Variants in IQCH observed in about 807,000 individuals in gnomAD.
The protein encoded by IQCH is IQ motif containing H, also known as IQ domain-containing protein H.
In IQCH, 98 loss-of-function variants were observed where a neutral mutation model predicts 117.0. The ratio of observed to expected loss-of-function variants is 0.84; its 90% CI spans 0.71 to 0.99. The LOEUF (loss-of-function observed/expected upper bound fraction) is 0.99. Ranked by LOEUF, IQCH falls within the 50% of genes least tolerant of loss-of-function variation. The pLI is 0.00. For missense variants in IQCH, 1,102 were observed against 1,243.8 expected (o/e 0.89, Z 1.72); for synonymous variants, 412 against 448.2 (o/e 0.92, Z 1.02).
intron 20 of IQCH, among the ~76,000 whole-genome samples, chr15:67,497,175 T>TA (rs955175785): frequency 2.6e-5 from 4 of 151,134 alleles, no homozygotes; most frequent in African/African-American, 9.7e-5. Context: ...ATCTAAAAAT[T>TA]AAAAAATTAG....
intron 3 of IQCH, among the ~76,000 whole-genome samples, chr15:67,267,740 G>T (rs933627582): frequency 2.0e-5 from 3 of 152,170 alleles, no homozygotes; most frequent in African/African-American, 7.2e-5. Context: ...CAGTTCCTAT[G>T]AGTAACTGAG....
intron 10 of IQCH, among the ~76,000 whole-genome samples, chr15:67,383,796 G>A (rs1464151122): frequency 1.3e-5 from 2 of 152,128 alleles, no homozygotes; most frequent in East Asian, 1.9e-4. Context: ...TTGTCCTTCT[G>A]CCTCTCTCTT....
intron 6 of IQCH, among the ~76,000 whole-genome samples, chr15:67,350,211 A>G (rs1380752551): frequency 6.6e-6 from 1 of 152,248 alleles, no homozygotes; most frequent in Non-Finnish European, 1.5e-5. Context: ...TTGCTGATAC[A>G]TGCACAATAC....
At position 67,454,425 on chromosome 15, in the gene IQCH, C is replaced by A. The variant is rs2082611558; in HGVS notation, c.2506-10702C>A. 6.6e-6 allele frequency among the ~76,000 whole-genome samples: 1 copy of A among 152,176 alleles called. No individual in the cohort carries two copies. Among genetic ancestry groups the A allele is most frequent in the African/African-American group, 2.4e-5 (1 of 41,450 alleles). On this transcript the variant is annotated intron_variant, in intron 16 of 20. Coordinates refer to ENST00000335894, the MANE Select transcript of IQCH (RefSeq NM_001031715.3). This position sits in a 1 kb window ranked among gnomAD's most constrained non-coding sequence, Gnocchi z 5.2. The stretch of plus-strand genomic sequence containing the variant: ...GCCCGCCTCGGCCTCCCAAAGTATT[C>A]AAAATTCACACTTTTAAAATATACA...
In IQCH at chr15:67,391,944, T is replaced by C. The variant is rs1278011434; in HGVS notation, c.1632+2938T>C. The stretch of plus-strand genomic sequence containing the variant: ...GGAAATATGCTCAGAATGTTAACAT[T>C]AGGTTCTATTGCTGCATCTGCCATC... On this transcript the variant is annotated intron_variant, in intron 12 of 20. Coordinates refer to ENST00000335894, the MANE Select transcript of IQCH (RefSeq NM_001031715.3). The surrounding 1 kb of genome is among the most constrained non-coding windows in gnomAD (Gnocchi z 4.3). Among the ~76,000 whole-genome samples the C allele has an allele frequency of 1.3e-5, 2 of 152,106 alleles. No individual in the cohort carries two copies. Among genetic ancestry groups the C allele is most frequent in the African/African-American group, 4.8e-5 (2 of 41,424 alleles).
At chr15:67,291,095 G>T (rs1479054077) in intron 4 of IQCH, among the ~76,000 whole-genome samples, 2 of 152,146 alleles carry the variant, frequency 1.3e-5, no homozygotes, top group African/African-American at 4.8e-5. Context: ...AACCACTAGG[G>T]AAGGGACATA....
At chr15:67,396,410 G>GGCTA (rs1971471409) in intron 13 of IQCH, among the ~76,000 whole-genome samples, 1 of 152,188 alleles carries the variant, frequency 6.6e-6, no homozygotes, top group Admixed American at 6.5e-5. Flanking sequence ...AAAACTGTCT[G>GGCTA]TTTTCGTTTT....
intron 16 of IQCH, among the ~76,000 whole-genome samples, chr15:67,446,188 T>G (rs1217030545): frequency 6.6e-6 from 1 of 152,224 alleles, no homozygotes; most frequent in Non-Finnish European, 1.5e-5. Context: ...AATGTATATA[T>G]TTTATATTTT....
rs1247876341 is a variant in IQCH at position 67,416,778 on chromosome 15, AAG to A, written c.2098-147_2098-146del. On this transcript the variant is annotated intron_variant, in intron 14 of 20. Coordinates refer to ENST00000335894, the MANE Select transcript of IQCH (RefSeq NM_001031715.3). This position sits in a 1 kb window ranked among gnomAD's most constrained non-coding sequence, Gnocchi z 5.1. ...ATATGAAAACTGAAATGGCTGAAAA[AAG>A]AGAGAACATTTTCAAAATGGCTTTC... is the stretch of plus-strand genomic sequence containing the variant. Among the ~76,000 whole-genome samples, 1 of 152,208 alleles carries A rather than the reference AAG, an allele frequency of 6.6e-6. No individual in the cohort carries two copies. Among genetic ancestry groups the A allele is most frequent in the Non-Finnish European group, 1.5e-5 (1 of 68,040 alleles).
In IQCH at chr15:67,487,452, A is replaced by ACG. The variant is rs1239037906; in HGVS notation, c.2800-2550_2800-2549insGC. 1.8e-3 allele frequency among the ~76,000 whole-genome samples: 278 copies of ACG among 151,774 alleles called. 1 individual carries two copies. The highest frequency in any genetic ancestry group is 6.6e-3 in the African/African-American group (272 of 41,324). On this transcript the variant is annotated intron_variant, in intron 18 of 20. Coordinates refer to ENST00000335894, the MANE Select transcript of IQCH (RefSeq NM_001031715.3). Reference sequence around the variant, plus strand: ...AAAACACACACACACACACACACACACACACAACCCTCATTAATATAAGTA... The same window carrying ACG: ...AAAACACACACACACACACACACACACGCACACAACCCTCATTAATATAAGTA...
intron 6 of IQCH, among the ~76,000 whole-genome samples, chr15:67,347,214 A>AG (rs2140697649): frequency 6.6e-6 from 1 of 152,094 alleles, no homozygotes; most frequent in East Asian, 1.9e-4. Flanking sequence ...AAAAAAAAAA[A>AG]AAAGGAATTC....
intron 4 of IQCH, among the ~76,000 whole-genome samples, chr15:67,290,850 A>C (rs1966725687): frequency 6.6e-6 from 1 of 152,144 alleles, no homozygotes; most frequent in African/African-American, 2.4e-5. Context: ...ATCCCTTTCC[A>C]CGTGGAATTT....
chr15:67,492,627 G>C (rs939432046), intron 19 of IQCH, among the ~76,000 whole-genome samples: 2 of 152,168 alleles, frequency 1.3e-5, no homozygotes, highest in African/African-American at 4.8e-5. Context: ...AGGCTGGTAG[G>C]GGGTGGCATG....
In IQCH at chr15:67,473,600, C is replaced by T. The variant is rs150385817; in HGVS notation, c.2677-2096C>T. On this transcript the variant is annotated intron_variant, in intron 17 of 20. Transcript: ENST00000335894. The surrounding 1 kb of genome is among the most constrained non-coding windows in gnomAD (Gnocchi z 4.9). ...TAAGTCAGAGGGAAGAGCTATCCAC[C>T]TAATCTATTTCATGTATTCATTCTC... Among the ~76,000 whole-genome samples the T allele has an allele frequency of 6.7e-4, 102 of 152,306 alleles. 1 individual carries two copies. Among genetic ancestry groups the T allele is most frequent in the African/African-American group, 2.4e-3 (101 of 41,554 alleles).
At chr15:67,278,380 A>G (rs1455650075) in intron 3 of IQCH, among the ~76,000 whole-genome samples, 2 of 152,214 alleles carry the variant, frequency 1.3e-5, no homozygotes, top group African/African-American at 4.8e-5. Context: ...CCTGCCCCCA[A>G]GAATTTTTAA....
chr15:67,299,187 G>T (rs1334582882), intron 4 of IQCH, among the ~76,000 whole-genome samples: 2 of 151,930 alleles, frequency 1.3e-5, no homozygotes, highest in East Asian at 3.9e-4. Context: ...GGATTCACAT[G>T]TTCTCACTTA....
At chr15:67,278,232 T>C (rs1406171209) in intron 3 of IQCH, among the ~76,000 whole-genome samples, 2 of 152,352 alleles carry the variant, frequency 1.3e-5, no homozygotes, top group East Asian at 3.9e-4. Flanking sequence ...CAGAACTCTC[T>C]GGGAATATTC....
At chr15:67,449,129 T>C (rs1370464241) in intron 16 of IQCH, among the ~76,000 whole-genome samples, 3 of 151,590 alleles carry the variant, frequency 2.0e-5, no homozygotes, top group Admixed American at 6.6e-5. Flanking sequence ...TATTAGCCCT[T>C]TGTCAGATGA....
intron 6 of IQCH, among the ~76,000 whole-genome samples, chr15:67,354,429 G>A (rs1969799641): frequency 6.6e-6 from 1 of 152,114 alleles, no homozygotes; most frequent in South Asian, 2.1e-4. Flanking sequence ...GGATGGAGCA[G>A]AATAGAAGAG....
Sources: allele counts gnomAD v4.1 joint callset (sites outside exome capture counted in the v4.1 genomes callset), GRCh38; gene constraint gnomAD v4.1.1; non-coding constraint Gnocchi (gnomAD v3.1); transcripts MANE v1.5; gene names NCBI Gene and HGNC (gene_info 2026-07-23, HGNC 2026-07-21).